Variants in SLC16A12 observed in about 807,000 individuals in gnomAD.
SLC16A12 encodes the protein solute carrier family 16 member 12.
SLC16A12 carries 17 observed loss-of-function variants against 42.4 expected under a neutral mutation model. The ratio of observed to expected loss-of-function variants is 0.40; its 90% confidence interval spans 0.27 to 0.60. SLC16A12 has a LOEUF of 0.60. SLC16A12 is among the 20% of genes least tolerant of loss of function. SLC16A12 has a pLI of 0.42. For synonymous variants in SLC16A12, 224 were observed against 229.4 expected (o/e 0.98, Z 0.21); for missense variants, 544 against 623.0 (o/e 0.87, Z 1.35).
chr10:89,493,373 T>C (rs12411622), intron 2 of SLC16A12, among the ~76,000 whole-genome samples: 4 of 152,008 alleles, frequency 2.6e-5, no homozygotes, highest in Admixed American at 2.6e-4. Flanking sequence ...CAGGCATGTG[T>C]CACTATGCCC....
chr10:89,527,299 G>A (rs10881597), intron 2 of SLC16A12, among the ~76,000 whole-genome samples: 20,899 of 151,580 alleles, frequency 0.14, 2,352 homozygotes, highest in East Asian at 0.32. Flanking sequence ...CCTGACCAAC[G>A]TGGTGAAACC....
intron 2 of SLC16A12, among the ~76,000 whole-genome samples, chr10:89,526,039 C>G (rs569919789): frequency 6.6e-6 from 1 of 152,150 alleles, no homozygotes; most frequent in East Asian, 1.9e-4. Flanking sequence ...AGAAGGGGCC[C>G]CAGTGATTTG....
At chr10:89,491,869 G>C (rs531513061) in intron 2 of SLC16A12, among the ~76,000 whole-genome samples, 1 of 152,198 alleles carries the variant, frequency 6.6e-6, no homozygotes, top group East Asian at 1.9e-4. Context: ...GAAAAATAAA[G>C]CTGCAGTTTT....
chr10:89,549,926 T>C (rs1267304817), intron 2 of SLC16A12, among the ~76,000 whole-genome samples: 1 of 152,130 alleles, frequency 6.6e-6, no homozygotes, highest in Admixed American at 6.6e-5. Context: ...CTTCCCTCTT[T>C]CCTTTCTCCC....
intron 3 of SLC16A12, among the ~76,000 whole-genome samples, chr10:89,447,618 G>C (rs11203128): frequency 0.13 from 19,517 of 152,090 alleles, 1,372 homozygotes; most frequent in South Asian, 0.31. Context: ...GTGTGTAGAG[G>C]GAAATTTATA....
Position 89,433,343 on chromosome 10 carries a change from C to T in SLC16A12, c.1289-17G>A. The T allele has an allele frequency of 6.2e-7, 1 of 1,612,664 alleles. No individual in the cohort carries two copies. The highest frequency in any genetic ancestry group is 8.5e-7 in the Non-Finnish European group (1 of 1,179,866). On this transcript the variant is annotated splice_polypyrimidine_tract_variant and intron_variant, in intron 7 of 7. Transcript: ENST00000371790. ...CCAGCCGTCCTGTAACAAACAACAG[C>T]AAAATTTTATTTTTGAGTTGAAAAT...
At chr10:89,551,177 C>T (rs574893848) in intron 2 of SLC16A12, among the ~76,000 whole-genome samples, 12 of 152,266 alleles carry the variant, frequency 7.9e-5, no homozygotes, top group Non-Finnish European at 1.5e-4. Context: ...CGTGGTGGCT[C>T]ACGCTTGTAA....
intron 2 of SLC16A12, among the ~76,000 whole-genome samples, chr10:89,514,110 T>A (rs1300888508): frequency 2.0e-5 from 3 of 152,128 alleles, no homozygotes; most frequent in Non-Finnish European, 4.4e-5. Context: ...TTTGGCAGAT[T>A]TGGGTGGAAT....
At chr10:89,467,117 T>A (rs760097312) in intron 2 of SLC16A12, among the ~76,000 whole-genome samples, 3 of 152,224 alleles carry the variant, frequency 2.0e-5, no homozygotes, top group Non-Finnish European at 4.4e-5. Context: ...CTTGGTATAG[T>A]CCTAGCTTCT....
intron 2 of SLC16A12, among the ~76,000 whole-genome samples, chr10:89,490,241 C>T (rs1449503755): frequency 1.3e-5 from 2 of 152,204 alleles, no homozygotes; most frequent in African/African-American, 4.8e-5. Context: ...CTGGCAACTC[C>T]TGGAGGAGGT....
chr10:89,525,220 C>CAAAAAAAAAAAAAAAA (rs869295721), intron 2 of SLC16A12, among the ~76,000 whole-genome samples: 1 of 64,640 alleles, frequency 1.5e-5, no homozygotes, highest in Admixed American at 2.1e-4. Flanking sequence ...GACACCATAT[C>CAAAAAAAAAAAAAAAA]AAAAAAAAAA....
chr10:89,474,010 T>C (rs553404013), intron 2 of SLC16A12, among the ~76,000 whole-genome samples: 1 of 152,282 alleles, frequency 6.6e-6, no homozygotes, highest in Non-Finnish European at 1.5e-5. Flanking sequence ...TACTATAAAT[T>C]TCTTTCAACT....
chr10:89,462,095 A>C (rs1200314840), intron 3 of SLC16A12, among the ~76,000 whole-genome samples: 2 of 152,238 alleles, frequency 1.3e-5, no homozygotes, highest in Non-Finnish European at 2.9e-5. Context: ...TCTGGGACTC[A>C]TAAGTGTCAG....
chr10:89,488,688 T>C (rs1842801308), intron 2 of SLC16A12, among the ~76,000 whole-genome samples: 1 of 152,208 alleles, frequency 6.6e-6, no homozygotes, highest in East Asian at 1.9e-4. Context: ...AATCTGTAGA[T>C]GGCTCCTCTC....
chr10:89,554,099 AGAAGGAAG>A (rs1417906738), intron 2 of SLC16A12, among the ~76,000 whole-genome samples: 3 of 14,472 alleles, frequency 2.1e-4, no homozygotes, highest in African/African-American at 8.7e-4. Context: ...AAAGAAAGAA[AGAAGGAAG>A]GAAGGAAGGA....
At position 89,433,228 on chromosome 10, in the gene SLC16A12, T is replaced by C; in HGVS notation, c.1387A>G (p.Ile463Val). ...AACTGGGTTTTTCTCATTCTCTTTA[T>C]AAGTCTAGCAAAGCCAAGCAACACA... Reference protein sequence around the residue: ...SSVLLGFARLIKRMRKTQLQF... With the variant: ...SSVLLGFARLVKRMRKTQLQF... Residue 463 changes from isoleucine to valine, a missense_variant, in exon 8 of 8, where the codon ATA becomes GTA. Coordinates refer to ENST00000371790, the MANE Select transcript of SLC16A12 (RefSeq NM_213606.4). 1 of 1,614,230 alleles carries C rather than the reference T, an allele frequency of 6.2e-7. No homozygotes were observed.
intron 2 of SLC16A12, among the ~76,000 whole-genome samples, chr10:89,517,984 A>G (rs1843283564): frequency 6.6e-6 from 1 of 152,202 alleles, no homozygotes; most frequent in South Asian, 2.1e-4. Flanking sequence ...GGCACCTTAG[A>G]CTTGGGGAAA....
chr10:89,435,059 G>T (rs1029352517), intron 7 of SLC16A12, among the ~76,000 whole-genome samples: 10 of 152,178 alleles, frequency 6.6e-5, no homozygotes, highest in Admixed American at 5.9e-4. Flanking sequence ...CTTGTTTAAT[G>T]CATACAATAA....
chr10:89,548,399 A>G (rs1434121587), intron 2 of SLC16A12, among the ~76,000 whole-genome samples: 1 of 152,186 alleles, frequency 6.6e-6, no homozygotes, highest in Non-Finnish European at 1.5e-5. Context: ...CAAGGGGAAG[A>G]GTCAAGGTTA....
Sources: allele counts gnomAD v4.1 joint callset (sites outside exome capture counted in the v4.1 genomes callset), GRCh38; gene constraint gnomAD v4.1.1; transcripts MANE v1.5; gene names NCBI Gene and HGNC (gene_info 2026-07-23, HGNC 2026-07-21).